The following RPS6KB1 variants were observed in gnomAD, a reference collection of about 807,000 sequenced individuals.
The protein encoded by RPS6KB1 is ribosomal protein S6 kinase B1.
RPS6KB1 carries 12 observed loss-of-function variants against 70.2 expected under a neutral mutation model. The ratio of observed to expected loss-of-function variants is 0.17; its 90% confidence interval spans 0.11 to 0.28. The LOEUF is 0.28. RPS6KB1 is among the 10% of genes least tolerant of loss of function. RPS6KB1 has a pLI of 1.00. For missense variants in RPS6KB1, 270 were observed against 646.6 expected, an observed-to-expected ratio of 0.42 and a Z score of 6.32; for synonymous variants, 175 against 211.2, an observed-to-expected ratio of 0.83 and a Z score of 1.49.
intron 2 of RPS6KB1, among the ~76,000 whole-genome samples, chr17:59,911,625 A>C: frequency 6.9e-6 from 1 of 145,502 alleles, no homozygotes; most frequent in South Asian, 2.2e-4. Flanking sequence ...GCCCACTGCA[A>C]CCTCTGCCTC....
intron 5 of RPS6KB1, among the ~76,000 whole-genome samples, chr17:59,929,482 G>A (rs556679551): frequency 4.6e-5 from 7 of 152,266 alleles, no homozygotes; most frequent in African/African-American, 7.2e-5. Context: ...ATTCCGTCAC[G>A]TCTTCTTCAT....
At chr17:59,918,365 T>TTTTA (rs1436571067) in intron 4 of RPS6KB1, among the ~76,000 whole-genome samples, 3 of 152,112 alleles carry the variant, frequency 2.0e-5, no homozygotes, top group African/African-American at 7.2e-5. Context: ...TATTTTTTTT[T>TTTTA]AATGTTTATT....
chr17:59,942,177 C>T (rs2044649959), intron 13 of RPS6KB1, among the ~76,000 whole-genome samples: 1 of 152,120 alleles, frequency 6.6e-6, no homozygotes, highest in Admixed American at 6.5e-5. Context: ...GATTTCTTGA[C>T]CTCGTGATCC....
intron 1 of RPS6KB1, among the ~76,000 whole-genome samples, chr17:59,901,963 G>A (rs1415053634): frequency 7.1e-6 from 1 of 141,582 alleles, no homozygotes; most frequent in African/African-American, 2.7e-5. Flanking sequence ...AGTTTGCCGT[G>A]ATCCTGCCAC....
At chr17:59,940,528 C>CG (rs2145038922) in intron 12 of RPS6KB1, among the ~76,000 whole-genome samples, 1 of 152,006 alleles carries the variant, frequency 6.6e-6, no homozygotes, top group East Asian at 1.9e-4. Flanking sequence ...CCTCATGATC[C>CG]GCCTGCCTCA....
chr17:59,942,902 C>T (rs2044695645), intron 13 of RPS6KB1, among the ~76,000 whole-genome samples: 1 of 151,900 alleles, frequency 6.6e-6, no homozygotes, highest in South Asian at 2.1e-4. Flanking sequence ...ATCACTTGAA[C>T]CCGGGAGGCA....
At chr17:59,944,657 G>A (rs1465624151) in intron 13 of RPS6KB1, among the ~76,000 whole-genome samples, 3 of 152,146 alleles carry the variant, frequency 2.0e-5, no homozygotes, top group Admixed American at 6.5e-5. Context: ...ATCTGACTTT[G>A]ATGCCAAGTC....
At position 59,946,961 on chromosome 17, in the gene RPS6KB1, C is replaced by CA. The variant is rs919878919; in HGVS notation, c.*182dup. 452 of 1,416,318 alleles carry CA rather than the reference C, an allele frequency of 3.2e-4. No homozygotes were observed. The highest frequency in any genetic ancestry group is 5.3e-4 in the Admixed American group (19 of 35,858). The allele number at this position is 1,416,318 out of a possible 1,614,324, so 87.7% of individuals were successfully genotyped here. A position where few individuals can be genotyped will look rare whatever the true frequency, so the allele number is the denominator to read the frequency against. Reference sequence around the variant, plus strand: ...GATTTTAAAAAATCAATCAATGGTGCAAAAAAAAACTTAAAGCAAAATAGT... The same window carrying CA: ...GATTTTAAAAAATCAATCAATGGTGCAAAAAAAAAACTTAAAGCAAAATAGT... On this transcript the variant is annotated 3_prime_UTR_variant, in exon 15 of 15. Coordinates refer to ENST00000225577, the MANE Select transcript of RPS6KB1 (RefSeq NM_003161.4). The surrounding 1 kb of genome is among the most constrained non-coding windows in gnomAD (Gnocchi z 4.2).
Position 59,949,822 on chromosome 17 carries a change from C to G in RPS6KB1, c.*3034C>G, listed in dbSNP as rs1360700726. The G allele has an allele frequency of 6.6e-6, 1 of 150,914 alleles. No homozygotes were observed. Among genetic ancestry groups the G allele is most frequent in the Non-Finnish European group, 1.5e-5 (1 of 67,736 alleles). The allele number at this position is 150,914 out of a possible 1,614,324, so 9.3% of individuals were successfully genotyped here. On this transcript the variant is annotated 3_prime_UTR_variant, in exon 15 of 15. Coordinates refer to ENST00000225577, the MANE Select transcript of RPS6KB1 (RefSeq NM_003161.4). ...ACTATAGGTAATGAATGATTATAAA[C>G]AAGATGCATCTTAGATAGTATTAAT...
intron 5 of RPS6KB1, among the ~76,000 whole-genome samples, chr17:59,928,959 A>G (rs933559341): frequency 2.0e-5 from 3 of 152,138 alleles, no homozygotes; most frequent in African/African-American, 2.4e-5. Flanking sequence ...GGTACATGAT[A>G]TTTATATCTT....
chr17:59,942,187 C>T (rs1187051829), intron 13 of RPS6KB1, among the ~76,000 whole-genome samples: 1 of 152,140 alleles, frequency 6.6e-6, no homozygotes, highest in Non-Finnish European at 1.5e-5. Flanking sequence ...CCTCGTGATC[C>T]ACCCGCCTTG....
intron 4 of RPS6KB1, among the ~76,000 whole-genome samples, chr17:59,923,421 C>T (rs148889503): frequency 3.3e-5 from 5 of 152,232 alleles, no homozygotes; most frequent in Admixed American, 1.3e-4. Context: ...AAACTCCTGG[C>T]CAACATGGTG....
At chr17:59,907,494 A>C (rs1263609695) in intron 1 of RPS6KB1, 1 of 151,838 alleles carries the variant, frequency 6.6e-6, no homozygotes, top group African/African-American at 2.4e-5. Flanking sequence ...AATTTTATTC[A>C]GCAATGTTTT....
rs2044958254 is a variant in RPS6KB1, at chr17:59,946,876, C to G, written c.*88C>G. 1 of 1,583,820 alleles carries G rather than the reference C, an allele frequency of 6.3e-7. No individual in the cohort carries two copies. Among genetic ancestry groups the G allele is most frequent in the Non-Finnish European group, 8.6e-7 (1 of 1,162,642 alleles). On this transcript the variant is annotated 3_prime_UTR_variant, in exon 15 of 15. Coordinates refer to ENST00000225577, the MANE Select transcript of RPS6KB1 (RefSeq NM_003161.4). The surrounding 1 kb of genome is among the most constrained non-coding windows in gnomAD (Gnocchi z 4.2). ...TGCAAGGTGAAACGACTCAAAATGA[C>G]AGTTTCAGAGAGTCAATGTCATTAC...
intron 6 of RPS6KB1, 61 bp downstream of exon 6, chr17:59,930,235 C>G: frequency 1.1e-6 from 1 of 902,114 alleles, no homozygotes; most frequent in East Asian, 2.4e-5. Context: ...CCCATTCCCA[C>G]TATGGGCAGC....
chr17:59,927,839 T>C (rs116578986), intron 5 of RPS6KB1, among the ~76,000 whole-genome samples: 324 of 151,306 alleles, frequency 2.1e-3, no homozygotes, highest in African/African-American at 7.6e-3. Context: ...ATTTCATACT[T>C]AACACAAAAA....
intron 1 of RPS6KB1, among the ~76,000 whole-genome samples, chr17:59,898,017 G>A (rs1235674284): frequency 6.6e-6 from 1 of 151,558 alleles, no homozygotes; most frequent in Non-Finnish European, 1.5e-5. Context: ...TATAATCAAA[G>A]CCTATTGGTA....
At chr17:59,911,592 T>G (rs1471390264) in intron 2 of RPS6KB1, among the ~76,000 whole-genome samples, 1 of 137,508 alleles carries the variant, frequency 7.3e-6, no homozygotes, top group African/African-American at 2.8e-5. Context: ...GTTCCCAGGC[T>G]GGAGTGTGAT....
intron 12 of RPS6KB1, among the ~76,000 whole-genome samples, chr17:59,939,393 C>CA (rs1402944157): frequency 1.3e-5 from 2 of 152,100 alleles, no homozygotes; most frequent in African/African-American, 4.8e-5. Flanking sequence ...GCAATCCTCC[C>CA]ACCTCACCCT....
Sources: allele counts gnomAD v4.1 joint callset (sites outside exome capture counted in the v4.1 genomes callset), GRCh38; gene constraint gnomAD v4.1.1; non-coding constraint Gnocchi (gnomAD v3.1); transcripts MANE v1.5; gene names NCBI Gene and HGNC (gene_info 2026-07-23, HGNC 2026-07-21).